Variants in DHRS3 observed in about 807,000 individuals in gnomAD.
The protein encoded by DHRS3 is dehydrogenase/reductase 3, also known as short-chain dehydrogenase/reductase 3.
In DHRS3, 14 loss-of-function variants were observed where a neutral mutation model predicts 27.2. The observed-to-expected ratio is 0.52, with a 90% CI of 0.34 to 0.81. DHRS3 has a LOEUF of 0.81. Among genes scored for constraint, DHRS3 ranks in the 30% least tolerant of loss-of-function variants. The probability of loss-of-function intolerance (pLI) is 0.01; values close to 1 mark genes in which losing one functional copy is unlikely to be tolerated. For missense variants in DHRS3, 322 were observed against 406.2 expected (o/e 0.79, Z 1.78); for synonymous variants, 165 against 175.9 (o/e 0.94, Z 0.49).
intron 1 of DHRS3, among the ~76,000 whole-genome samples, chr1:12,585,470 G>C (rs535770368): frequency 1.3e-5 from 2 of 152,144 alleles, no homozygotes; most frequent in African/African-American, 4.8e-5. Flanking sequence ...GCTGGGAGTC[G>C]CAGGGAAGCG....
In DHRS3 at chr1:12,592,549, A is replaced by G. The variant is rs1646755402; in HGVS notation, c.196-11883T>C. Among the ~76,000 whole-genome samples the G allele has an allele frequency of 1.3e-5, 2 of 152,160 alleles. No homozygotes were observed. Among genetic ancestry groups the G allele is most frequent in the South Asian group, 4.1e-4 (2 of 4,824 alleles). The stretch of plus-strand genomic sequence containing the variant: ...CAAGAGCCACCAGGAGCTGAAAGAG[A>G]CAAGGAAGGATCCTTCCCTAGAGCC... On this transcript the variant is annotated intron_variant, in intron 1 of 5. Transcript: ENST00000616661. The surrounding 1 kb of genome is among the most constrained non-coding windows in gnomAD (Gnocchi z 4.2).
Position 12,568,246 on chromosome 1 carries a change from G to T in DHRS3, c.*94C>A. 1.7e-6 allele frequency: 2 copies of T among 1,207,174 alleles called. No homozygotes were observed. The highest frequency in any genetic ancestry group is 1.2e-6 in the Non-Finnish European group (1 of 817,270). The allele number at this position is 1,207,174 out of a possible 1,614,324, so 74.8% of individuals were successfully genotyped here. On this transcript the variant is annotated 3_prime_UTR_variant, in exon 6 of 6. Coordinates refer to ENST00000616661, the MANE Select transcript of DHRS3 (RefSeq NM_004753.7). ...GGACAGGAGCTGTCCTGCTCACCCAGCAGAAGCATGCCAATGGACAGGTGC... is the reference window on the plus strand; with the variant it reads ...GGACAGGAGCTGTCCTGCTCACCCATCAGAAGCATGCCAATGGACAGGTGC...
intron 1 of DHRS3, 150 bp downstream of exon 1, chr1:12,617,004 A>C (rs953965823): frequency 2.9e-6 from 3 of 1,040,510 alleles, no homozygotes; most frequent in Non-Finnish European, 2.7e-6. Context: ...TTACAAGGTG[A>C]AACCGACTAG....
chr1:12,616,628 T>G, intron 1 of DHRS3: 1 of 991,344 alleles, frequency 1.0e-6, no homozygotes, highest in Non-Finnish European at 1.2e-6. Flanking sequence ...GACTACTGCA[T>G]ACAAGACCGC....
chr1:12,587,961 G>A (rs903645558), intron 1 of DHRS3, among the ~76,000 whole-genome samples: 4 of 152,184 alleles, frequency 2.6e-5, no homozygotes, highest in South Asian at 2.1e-4. Context: ...GGAGCCTGCC[G>A]GGGATCCACA....
chr1:12,594,764 T>C lies in DHRS3; in HGVS notation c.196-14098A>G, dbSNP rs938367450. Among the ~76,000 whole-genome samples the C allele has an allele frequency of 3.9e-5, 6 of 151,956 alleles. No homozygotes were observed. Among genetic ancestry groups the C allele is most frequent in the Admixed American group, 6.5e-5 (1 of 15,274 alleles). ...GGGAGACACCAGCCACAGCAGGACT[T>C]TGAATTCTTTTCTGAGATGGGGTAG... On this transcript the variant is annotated intron_variant, in intron 1 of 5. Transcript: ENST00000616661. The surrounding 1 kb of genome is among the most constrained non-coding windows in gnomAD (Gnocchi z 4.1).
At chr1:12,588,003 G>C (rs1646712300) in intron 1 of DHRS3, among the ~76,000 whole-genome samples, 1 of 152,232 alleles carries the variant, frequency 6.6e-6, no homozygotes, top group Non-Finnish European at 1.5e-5. Context: ...ATTACACAGT[G>C]CTCTTGGCCC....
chr1:12,571,685 C>T (rs2100642242), intron 5 of DHRS3, among the ~76,000 whole-genome samples: 1 of 152,136 alleles, frequency 6.6e-6, no homozygotes, highest in Middle Eastern at 3.4e-3. Flanking sequence ...CACACGCCAC[C>T]ACACCCAGCT....
rs952398333 is a variant in DHRS3 at position 12,579,465 on chromosome 1, C to T, written c.340-53G>A. On this transcript the variant is annotated intron_variant, in intron 2 of 5. Coordinates refer to ENST00000616661, the MANE Select transcript of DHRS3 (RefSeq NM_004753.7). ...ATGAGGGCAGCCAGCCCAGGGCCAA[C>T]GATATATGTTTTTTGTTTGTTTGTT... 6.0e-5 allele frequency: 96 copies of T among 1,591,290 alleles called. 1 individual carries two copies. The highest frequency in any genetic ancestry group is 7.0e-5 in the Non-Finnish European group (82 of 1,168,448).
chr1:12,569,574 A>G, intron 5 of DHRS3, among the ~76,000 whole-genome samples: 1 of 151,998 alleles, frequency 6.6e-6, no homozygotes, highest in Non-Finnish European at 1.5e-5. Flanking sequence ...TATGTTTATT[A>G]TATTTTTTTG....
rs986347823 is a variant in DHRS3, at chr1:12,606,465, A to G, written c.195+10689T>C. 3.9e-5 allele frequency among the ~76,000 whole-genome samples: 6 copies of G among 152,168 alleles called. No homozygotes were observed. The South Asian group carries it at 6.2e-4, about 16-fold the overall frequency. The stretch of plus-strand genomic sequence containing the variant: ...GGTGCAGATGAGAGCAAAGCTTTCA[A>G]TGAAAATTTTATTTTATTTTATTTT... On this transcript the variant is annotated intron_variant, in intron 1 of 5. Transcript: ENST00000616661.
At chr1:12,577,035 G>A (rs1251561058) in intron 4 of DHRS3, among the ~76,000 whole-genome samples, 1 of 151,834 alleles carries the variant, frequency 6.6e-6, no homozygotes, top group East Asian at 1.9e-4. Flanking sequence ...AAGGCGTAAT[G>A]AGTGACTCCC....
rs1353520036 is a variant in DHRS3, at chr1:12,593,040, T to C, written c.196-12374A>G. On this transcript the variant is annotated intron_variant, in intron 1 of 5. Transcript: ENST00000616661. This position sits in a 1 kb window ranked among gnomAD's most constrained non-coding sequence, Gnocchi z 4.6. ...CCTCACCTGGTCCCAAAAGGTCACT[T>C]GGCTGCTACCTTTGCCCCAGGGCCC... 6.6e-6 allele frequency among the ~76,000 whole-genome samples: 1 copy of C among 152,172 alleles called. No individual in the cohort carries two copies. The highest frequency in any genetic ancestry group is 6.5e-5 in the Admixed American group (1 of 15,282).
intron 1 of DHRS3, chr1:12,616,834 A>G (rs1230951860): frequency 7.5e-4 from 326 of 432,694 alleles, no homozygotes; most frequent in African/African-American, 2.1e-3. Flanking sequence ...AAGGCGGGGG[A>G]GGGGGGCACA....
intron 1 of DHRS3, among the ~76,000 whole-genome samples, chr1:12,584,427 G>A (rs979158255): frequency 6.6e-6 from 1 of 151,968 alleles, no homozygotes; most frequent in Non-Finnish European, 1.5e-5. Flanking sequence ...AGGCGGGCTG[G>A]GGAACCGGCC....
At chr1:12,601,938 C>G (rs1272817249) in intron 1 of DHRS3, among the ~76,000 whole-genome samples, 1 of 152,216 alleles carries the variant, frequency 6.6e-6, no homozygotes, top group Admixed American at 6.5e-5. Flanking sequence ...CTCTAACTAG[C>G]TACAATGGGT....
chr1:12,598,107 C>T (rs1046407106), intron 1 of DHRS3, among the ~76,000 whole-genome samples: 1 of 152,204 alleles, frequency 6.6e-6, no homozygotes, highest in African/African-American at 2.4e-5. Context: ...TAAAAGTTGC[C>T]CGCACATCCA....
chr1:12,583,847 C>G (rs1189474114), intron 1 of DHRS3, among the ~76,000 whole-genome samples: 1 of 151,832 alleles, frequency 6.6e-6, no homozygotes, highest in Non-Finnish European at 1.5e-5. Context: ...ATCCACTCAC[C>G]TACTCCACTT....
chr1:12,569,302 TG>T (rs1646514909), intron 5 of DHRS3, among the ~76,000 whole-genome samples: 3 of 149,826 alleles, frequency 2.0e-5, no homozygotes, highest in South Asian at 2.1e-4. Flanking sequence ...AGAGAGTGAG[TG>T]AGTGGTCAGA....
Sources: allele counts gnomAD v4.1 joint callset (sites outside exome capture counted in the v4.1 genomes callset), GRCh38; gene constraint gnomAD v4.1.1; non-coding constraint Gnocchi (gnomAD v3.1); transcripts MANE v1.5; gene names NCBI Gene and HGNC (gene_info 2026-07-23, HGNC 2026-07-21).